ZMYM5: variants seen among roughly 807,000 people sequenced by gnomAD.
ZMYM5 encodes the protein zinc finger MYM-type protein 5.
Under a neutral mutation model 61.8 loss-of-function variants are expected in ZMYM5, and 41 were observed. That is an observed-to-expected ratio of 0.66 (90% CI 0.52 to 0.86). The LOEUF (loss-of-function observed/expected upper bound fraction) is 0.86. ZMYM5 is among the 40% of genes least tolerant of loss of function. ZMYM5 has a pLI of 0.00. For missense variants in ZMYM5, 706 were observed against 786.7 expected (o/e 0.90, Z 1.23); for synonymous variants, 257 against 276.4 (o/e 0.93, Z 0.70).
intron 7 of ZMYM5, among the ~76,000 whole-genome samples, chr13:19,832,636 A>G (rs1952564110): frequency 1.3e-5 from 2 of 152,250 alleles, no homozygotes; most frequent in Non-Finnish European, 1.5e-5. Flanking sequence ...TAAATCATCC[A>G]TTTAAGAAAT....
intron 7 of ZMYM5, among the ~76,000 whole-genome samples, chr13:19,830,369 C>T (rs1032933421): frequency 6.6e-5 from 10 of 152,058 alleles, no homozygotes; most frequent in African/African-American, 2.4e-4. Context: ...TATTTGGCAA[C>T]TATTAATTAA....
chr13:19,859,575 T>C (rs912180791), intron 2 of ZMYM5, among the ~76,000 whole-genome samples: 9 of 151,502 alleles, frequency 5.9e-5, no homozygotes, highest in African/African-American at 2.2e-4. Context: ...GCTGATTTTT[T>C]TTTTTGTATT....
chr13:19,862,050 G>A (rs997384943), intron 2 of ZMYM5, among the ~76,000 whole-genome samples: 1 of 152,018 alleles, frequency 6.6e-6, no homozygotes, highest in African/African-American at 2.4e-5. Flanking sequence ...AAATATCAAC[G>A]TCAAAACAAC....
intron 7 of ZMYM5, among the ~76,000 whole-genome samples, chr13:19,827,314 G>A (rs1236385977): frequency 1.3e-5 from 2 of 151,650 alleles, no homozygotes; most frequent in Non-Finnish European, 2.9e-5. Context: ...TGAAGAGAGA[G>A]CTCTAATTCA....
intron 2 of ZMYM5, among the ~76,000 whole-genome samples, chr13:19,858,100 G>A (rs1953577438): frequency 6.6e-6 from 1 of 151,888 alleles, no homozygotes; most frequent in Admixed American, 6.6e-5. Flanking sequence ...GGGAGACTGA[G>A]GCAGGAGAAT....
chr13:19,846,551 CA>C (rs890591203), intron 4 of ZMYM5, among the ~76,000 whole-genome samples: 22 of 143,416 alleles, frequency 1.5e-4, no homozygotes, highest in African/African-American at 3.3e-4. Context: ...TGTCACTAGC[CA>C]AAAAAAAAAG....
At chr13:19,862,616 A>G (rs1169318410) in intron 1 of ZMYM5, 150 bp from the exon 2 acceptor site, 1 of 151,908 alleles carries the variant, frequency 6.6e-6, no homozygotes, top group African/African-American at 2.4e-5. Flanking sequence ...AACTAAGTTG[A>G]AAAAAAAGAA....
At chr13:19,828,636 T>C (rs1891046286) in intron 7 of ZMYM5, among the ~76,000 whole-genome samples, 1 of 152,158 alleles carries the variant, frequency 6.6e-6, no homozygotes, top group African/African-American at 2.4e-5. Context: ...GAAACTATAG[T>C]AGTAATTCTG....
rs549678922 is a variant in ZMYM5 at position 19,823,869 on chromosome 13, C to A, written c.*608G>T. On this transcript the variant is annotated 3_prime_UTR_variant, in exon 8 of 8. Coordinates refer to ENST00000337963, the MANE Select transcript of ZMYM5 (RefSeq NM_001142684.2). ...TTTTCTTTCTTTTGAGACTGACTCT[C>A]GCTCTGTTGCTCAGGCTGGACTGCA... is the stretch of plus-strand genomic sequence containing the variant. 5.9e-5 allele frequency: 9 copies of A among 152,240 alleles called. No homozygotes were observed. Among genetic ancestry groups the A allele is most frequent in the African/African-American group, 2.2e-4 (9 of 41,444 alleles). 9.4% of individuals were successfully genotyped at this position (152,240 alleles called of 1,614,324 possible).
rs540620231 is a variant in ZMYM5, at chr13:19,840,520, C to T, written c.587-1535G>A. Among the ~76,000 whole-genome samples, 4 of 151,972 alleles carry T rather than the reference C, an allele frequency of 2.6e-5. No homozygotes were observed. In the South Asian group the frequency reaches 8.3e-4, roughly 32 times the overall value. ...TCTTGAGTAGCTGGGACAACAGGCACATGCCATCACACCTGGCTAATTTTT... is the reference window on the plus strand; with the variant it reads ...TCTTGAGTAGCTGGGACAACAGGCATATGCCATCACACCTGGCTAATTTTT... On this transcript the variant is annotated intron_variant, in intron 4 of 7. Transcript: ENST00000337963.
chr13:19,839,520 C>G (rs930431356), intron 4 of ZMYM5, among the ~76,000 whole-genome samples: 2 of 151,990 alleles, frequency 1.3e-5, no homozygotes, highest in Admixed American at 1.3e-4. Flanking sequence ...TCCCGAGTAG[C>G]TGGGATTACC....
chr13:19,837,483 T>C (rs976451753), intron 6 of ZMYM5, 173 bp downstream of exon 6: 1 of 1,580,102 alleles, frequency 6.3e-7, no homozygotes, highest in African/African-American at 1.4e-5. Flanking sequence ...AATGGAATTT[T>C]ATTTATAAAA....
Position 19,825,134 on chromosome 13 carries a change from T to C in ZMYM5, c.1353A>G (p.Thr451=). 1.5e-6 allele frequency: 2 copies of C among 1,355,366 alleles called. No individual in the cohort carries two copies. The highest frequency in any genetic ancestry group is 1.5e-5 in the African/African-American group (1 of 67,724). 84.0% of individuals were successfully genotyped at this position (1,355,366 alleles called of 1,614,324 possible). ...NEKQLYGSSN[T]LLKKIEGIPE... ...GGATTCCCTCTATTTTTTTCAAAAG[T>C]GTATTTGACGATCCATATAATTGTT... The change falls in exon 8 of 8, where the codon ACA becomes ACG. Residue 451 remains threonine (T), a synonymous_variant. Transcript: ENST00000337963.
chr13:19,847,985 T>G (rs1419480535), intron 4 of ZMYM5, among the ~76,000 whole-genome samples: 8 of 147,074 alleles, frequency 5.4e-5, no homozygotes, highest in African/African-American at 1.5e-4. Flanking sequence ...TTTATCTTAT[T>G]TTTTGAAACA....
At chr13:19,830,997 G>A (rs761748899) in intron 7 of ZMYM5, among the ~76,000 whole-genome samples, 29 of 151,662 alleles carry the variant, frequency 1.9e-4, no homozygotes, top group Non-Finnish European at 5.9e-5. Flanking sequence ...CTGCCACCAC[G>A]CCCGGCTAAT....
In ZMYM5 at chr13:19,824,835, G is replaced by T; in HGVS notation, c.1652C>A (p.Pro551Gln). 1 of 1,351,452 alleles carries T rather than the reference G, an allele frequency of 7.4e-7. No homozygotes were observed. The allele number at this position is 1,351,452 out of a possible 1,614,324, so 83.7% of individuals were successfully genotyped here. The stretch of plus-strand genomic sequence containing the variant: ...AAACTTCCTCCCTGTATTATCTTTT[G>T]GAAAGTTAAAATTTCTTACTTGAGG... ...VPPQVRNFNF[P>Q]KDNTGRKFSE... Residue 551 changes from proline to glutamine, a missense_variant, in exon 8 of 8, where the codon CCA becomes CAA. Pro to Gln is a moderately conservative substitution (Grantham distance 76). Coordinates refer to ENST00000337963, the MANE Select transcript of ZMYM5 (RefSeq NM_001142684.2).
Position 19,851,791 on chromosome 13 carries a change from T to C in ZMYM5, c.390A>G (p.Gly130=). 6.2e-7 allele frequency: 1 copy of C among 1,610,784 alleles called. No individual in the cohort carries two copies. Among genetic ancestry groups the C allele is most frequent in the Non-Finnish European group, 8.5e-7 (1 of 1,179,340 alleles). The part of the protein sequence containing the change: ...DDEEDIETNG[G]AEKKSSCFIE... ...TAAAACAGGAAGACTTTTTCTCTGC[T>C]CCTCCATTTGTTTCTATGTCCTCTT... Residue 130 remains glycine, a synonymous_variant, in exon 3 of 8, where the codon GGA becomes GGG. Coordinates refer to ENST00000337963, the MANE Select transcript of ZMYM5 (RefSeq NM_001142684.2).
At chr13:19,841,639 C>T (rs565477306) in intron 4 of ZMYM5, among the ~76,000 whole-genome samples, 1 of 150,670 alleles carries the variant, frequency 6.6e-6, no homozygotes, top group East Asian at 1.9e-4. Context: ...TATAATGCAA[C>T]AAAAATACAA....
In ZMYM5 at chr13:19,838,563, G is replaced by C. The variant is rs764849706; in HGVS notation, c.872+137C>G. On this transcript the variant is annotated intron_variant, in intron 5 of 7. Transcript: ENST00000337963. Reference sequence around the variant, plus strand: ...TCCACAGCTTGGATATATTCTAGGAGCTCAAGCTCAATAAACTTGAAGACA... The same window carrying C: ...TCCACAGCTTGGATATATTCTAGGACCTCAAGCTCAATAAACTTGAAGACA... The C allele has an allele frequency of 1.8e-5, 19 of 1,084,202 alleles. 1 individual carries two copies. Among genetic ancestry groups the C allele is most frequent in the Non-Finnish European group, 2.5e-5 (19 of 758,630 alleles). The allele number at this position is 1,084,202 out of a possible 1,614,324, so 67.2% of individuals were successfully genotyped here.
Sources: gnomAD v4.1 joint callset for allele counts (sites outside exome capture counted in the v4.1 genomes callset) on GRCh38, gnomAD v4.1.1 for gene constraint, MANE v1.5 for transcripts, NCBI Gene and HGNC (gene_info 2026-07-23, HGNC 2026-07-21) for gene names.